NFIB: variants seen among roughly 807,000 people sequenced by gnomAD.
NFIB encodes nuclear factor I B.
NFIB carries 11 observed loss-of-function variants against 61.5 expected under a neutral mutation model. That is an observed-to-expected ratio of 0.18 (90% CI 0.11 to 0.30). NFIB has a LOEUF of 0.30. Among genes scored for constraint, NFIB ranks in the 10% least tolerant of loss-of-function variants. The probability of loss-of-function intolerance (pLI) is 1.00; values close to 1 mark genes in which losing one functional copy is unlikely to be tolerated. For synonymous variants in NFIB, 260 were observed against 216.5 expected (o/e 1.20, Z -1.76); for missense variants, 471 against 608.9 (o/e 0.77, Z 2.38).
intron 1 of NFIB, chr9:14,357,430 A>AC (rs1319690484): frequency 2.0e-5 from 3 of 152,134 alleles, no homozygotes; most frequent in Admixed American, 6.5e-5. Context: ...GAATTCAGTC[A>AC]CCCCTGTGCA....
At chr9:14,246,588 C>T (rs1587897431) in intron 2 of NFIB, among the ~76,000 whole-genome samples, 1 of 152,134 alleles carries the variant, frequency 6.6e-6, no homozygotes, top group Non-Finnish European at 1.5e-5. Flanking sequence ...CATATGTTTG[C>T]CATATCATTT....
the NFIB span, among the ~76,000 whole-genome samples, chr9:14,525,705 A>T: frequency 6.6e-6 from 1 of 152,178 alleles, no homozygotes; most frequent in Non-Finnish European, 1.5e-5. Context: ...ATCTGCTACA[A>T]TTTGAAATGG....
chr9:14,411,377 C>A, the NFIB span, among the ~76,000 whole-genome samples: 1 of 152,120 alleles, frequency 6.6e-6, no homozygotes, highest in Non-Finnish European at 1.5e-5. Flanking sequence ...AGGTCTTAGT[C>A]GAGTTCAGAT....
chr9:14,297,565 T>G (rs2059513728), intron 2 of NFIB, among the ~76,000 whole-genome samples: 2 of 152,216 alleles, frequency 1.3e-5, no homozygotes, highest in Non-Finnish European at 1.5e-5. Context: ...CACCTGCTAT[T>G]TTCAGATATT....
intron 2 of NFIB, among the ~76,000 whole-genome samples, chr9:14,211,127 G>A (rs2131724270): frequency 6.6e-6 from 1 of 152,170 alleles, no homozygotes; most frequent in South Asian, 2.1e-4. Context: ...GGAAAAACTT[G>A]CGGTAAAATT....
At chr9:14,163,549 A>G (rs1033931322) in intron 3 of NFIB, among the ~76,000 whole-genome samples, 1 of 152,034 alleles carries the variant, frequency 6.6e-6, no homozygotes, top group Admixed American at 6.5e-5. Flanking sequence ...ATAATTATAA[A>G]TGGATAAAAG....
At chr9:14,234,861 C>G (rs530547095) in intron 2 of NFIB, among the ~76,000 whole-genome samples, 1 of 149,076 alleles carries the variant, frequency 6.7e-6, no homozygotes, top group Admixed American at 6.7e-5. Context: ...AAACCAGATC[C>G]AAGAGGATCA....
chr9:14,086,349 TAAAA>T lies in NFIB; in HGVS notation c.*1956_*1959del. On this transcript the variant is annotated 3_prime_UTR_variant, in exon 11 of 11. Transcript: ENST00000380953. ...AATAGCAGTACCCACTTTGGTCAAT[TAAAA>T]CAAACAAACAAACAAAAAAGCATAC... The T allele has an allele frequency of 4.5e-6, 1 of 220,532 alleles. No homozygotes were observed. The highest frequency in any genetic ancestry group is 2.2e-5 in the African/African-American group (1 of 44,624). 13.7% of individuals were successfully genotyped at this position (220,532 alleles called of 1,614,324 possible).
chr9:14,498,829 CCCTT>C, the NFIB span, among the ~76,000 whole-genome samples: 59 of 78,134 alleles, frequency 7.6e-4, no homozygotes, highest in East Asian at 2.3e-3. Context: ...CTCCCTTCCT[CCCTT>C]CCTTCCTTCC....
chr9:14,227,772 A>G (rs1178347505), intron 2 of NFIB, among the ~76,000 whole-genome samples: 1 of 152,188 alleles, frequency 6.6e-6, no homozygotes, highest in African/African-American at 2.4e-5. Context: ...TTACAAATGA[A>G]GAAAGGGAGG....
intron 10 of NFIB, among the ~76,000 whole-genome samples, chr9:14,103,479 A>T (rs1440161404): frequency 6.6e-6 from 1 of 152,102 alleles, no homozygotes; most frequent in African/African-American, 2.4e-5. Flanking sequence ...TTTCAGTGAG[A>T]ATTTCCAGAT....
At chr9:14,105,627 C>A (rs1217898833) in intron 10 of NFIB, among the ~76,000 whole-genome samples, 1 of 152,070 alleles carries the variant, frequency 6.6e-6, no homozygotes, top group African/African-American at 2.4e-5. Context: ...GTGGGGGATG[C>A]AATTAAATCA....
At chr9:14,329,401 C>A (rs754351152) in intron 1 of NFIB, among the ~76,000 whole-genome samples, 1 of 152,152 alleles carries the variant, frequency 6.6e-6, no homozygotes, top group Non-Finnish European at 1.5e-5. Context: ...GATAGCCACT[C>A]ATCACCTTTT....
chr9:14,285,145 CAG>C (rs1445081247), intron 2 of NFIB, among the ~76,000 whole-genome samples: 1 of 152,172 alleles, frequency 6.6e-6, no homozygotes, highest in Non-Finnish European at 1.5e-5. Context: ...TTTCTTGAGA[CAG>C]AGTCTTGCAC....
At chr9:14,135,700 C>T (rs1207173937) in intron 6 of NFIB, among the ~76,000 whole-genome samples, 2 of 152,104 alleles carry the variant, frequency 1.3e-5, no homozygotes, top group Non-Finnish European at 2.9e-5. Flanking sequence ...ATTTATCACA[C>T]TCTAAAATAA....
At chr9:14,380,994 G>T (rs1443947032) in intron 1 of NFIB, among the ~76,000 whole-genome samples, 1 of 139,978 alleles carries the variant, frequency 7.1e-6, no homozygotes, top group East Asian at 2.2e-4. Context: ...CTGATTTCCT[G>T]TTCCGGGAGG....
At chr9:14,310,238 T>G (rs970589029) in intron 1 of NFIB, among the ~76,000 whole-genome samples, 1 of 152,254 alleles carries the variant, frequency 6.6e-6, no homozygotes, top group African/African-American at 2.4e-5. Flanking sequence ...GCTGCCAATA[T>G]TGTTTTAAAA....
At chr9:14,194,732 G>C (rs112101888) in intron 2 of NFIB, among the ~76,000 whole-genome samples, 33 of 152,054 alleles carry the variant, frequency 2.2e-4, no homozygotes, top group Non-Finnish European at 3.1e-4. Flanking sequence ...ATATAATTTG[G>C]CTGAGAAATA....
intron 2 of NFIB, among the ~76,000 whole-genome samples, chr9:14,215,319 A>G (rs7044603): frequency 0.19 from 29,260 of 150,380 alleles, 3,500 homozygotes; most frequent in African/African-American, 0.21. Flanking sequence ...GTATACATTT[A>G]ATGGTATTAA....
Sources: allele counts gnomAD v4.1 joint callset (sites outside exome capture counted in the v4.1 genomes callset), GRCh38; gene constraint gnomAD v4.1.1; transcripts MANE v1.5; gene names NCBI Gene and HGNC (gene_info 2026-07-23, HGNC 2026-07-21).